The following KYNU variants were observed in gnomAD, a reference collection of about 807,000 sequenced individuals.
The protein encoded by KYNU is L-kynurenine hydrolase.
Under a neutral mutation model 59.2 loss-of-function variants are expected in KYNU, and 54 were observed. The observed-to-expected ratio is 0.91, with a 90% CI of 0.73 to 1.14. The LOEUF is 1.14. KYNU is among the 50% of genes most tolerant of loss of function. The probability of loss-of-function intolerance (pLI) is 0.00; values close to 1 mark genes in which losing one functional copy is unlikely to be tolerated. For synonymous variants in KYNU, 177 were observed against 192.0 expected (o/e 0.92, Z 0.65); for missense variants, 567 against 554.4 (o/e 1.02, Z -0.23).
Position 142,889,431 on chromosome 2 carries a change from G to C in KYNU, c.169+3895G>C, listed in dbSNP as rs1009080089. 1.1e-4 allele frequency among the ~76,000 whole-genome samples: 17 copies of C among 152,276 alleles called. 2 individuals are homozygous for C. Among genetic ancestry groups the C allele is most frequent in the Admixed American group, 7.2e-4 (11 of 15,302 alleles). On this transcript the variant is annotated intron_variant, in intron 2 of 13. Transcript: ENST00000264170. ...AAAGTCTATCCGGGAGAAGGGAAAA[G>C]GTCAGTGCGTGAGCTTTCTAGGTTT...
chr2:142,884,080 C>T (rs1040904089), intron 1 of KYNU, among the ~76,000 whole-genome samples: 12 of 152,126 alleles, frequency 7.9e-5, no homozygotes, highest in African/African-American at 2.4e-4. Context: ...AAGTTTAAAA[C>T]GTATGTGATT....
intron 8 of KYNU, among the ~76,000 whole-genome samples, chr2:142,979,035 T>A (rs941789894): frequency 6.6e-6 from 1 of 152,050 alleles, no homozygotes; most frequent in African/African-American, 2.4e-5. Context: ...TAGGAAAGAG[T>A]GAGCTAGCTT....
chr2:143,009,890 A>G, intron 10 of KYNU, among the ~76,000 whole-genome samples: 1 of 117,870 alleles, frequency 8.5e-6, no homozygotes, highest in Non-Finnish European at 1.7e-5. Flanking sequence ...TCAATAAATT[A>G]GGTATTGATG....
intron 10 of KYNU, among the ~76,000 whole-genome samples, chr2:143,019,966 A>G (rs775453719): frequency 6.6e-6 from 1 of 151,878 alleles, no homozygotes. Context: ...CTGTGGTATC[A>G]GTTGTAATAT....
chr2:142,936,203 C>CA (rs990288673), intron 4 of KYNU, among the ~76,000 whole-genome samples: 10 of 151,984 alleles, frequency 6.6e-5, no homozygotes, highest in African/African-American at 2.4e-4. Flanking sequence ...GATCTGAGTG[C>CA]AAAAAACGCC....
chr2:142,893,381 C>T (rs1681772265), intron 2 of KYNU, among the ~76,000 whole-genome samples: 1 of 152,168 alleles, frequency 6.6e-6, no homozygotes, highest in African/African-American at 2.4e-5. Context: ...TTGCCATCAT[C>T]AGCTATCACA....
chr2:143,027,655 G>A lies in KYNU; in HGVS notation c.903-1972G>A, dbSNP rs115328830. Among the ~76,000 whole-genome samples, 1,442 of 152,126 alleles carry A rather than the reference G, an allele frequency of 9.5e-3. 18 individuals carry two copies. Among genetic ancestry groups the A allele is most frequent in the South Asian group, 0.032 (153 of 4,824 alleles). ...TCTGGTTTGCCTTGCAATTTTGTCT[G>A]TCTTTTTAATACAGAATTTTAAATG... On this transcript the variant is annotated intron_variant, in intron 10 of 13. Coordinates refer to ENST00000264170, the MANE Select transcript of KYNU (RefSeq NM_003937.3).
At chr2:143,002,133 G>A (rs1408092786) in intron 10 of KYNU, among the ~76,000 whole-genome samples, 1 of 152,146 alleles carries the variant, frequency 6.6e-6, no homozygotes, top group Non-Finnish European at 1.5e-5. Flanking sequence ...TGCTCTCTTT[G>A]TGTCCTTTGT....
chr2:142,916,178 G>T (rs1457773144), intron 2 of KYNU, among the ~76,000 whole-genome samples: 3 of 152,060 alleles, frequency 2.0e-5, no homozygotes, highest in South Asian at 2.1e-4. Context: ...AGTAAACTAG[G>T]GGGGCTTGTT....
intron 7 of KYNU, among the ~76,000 whole-genome samples, chr2:142,958,493 T>C (rs1235084423): frequency 6.6e-6 from 1 of 152,218 alleles, no homozygotes; most frequent in Non-Finnish European, 1.5e-5. Context: ...CCGCTAGTCA[T>C]TGTTTGGACA....
rs566089757 is a variant in KYNU, at chr2:143,046,481, A to G, written c.*4309A>G. 351 of 151,796 alleles carry G rather than the reference A, an allele frequency of 2.3e-3. 1 individual carries two copies. The highest frequency in any genetic ancestry group is 8.1e-3 in the African/African-American group (337 of 41,486). The allele number at this position is 151,796 out of a possible 1,614,324, so 9.4% of individuals were successfully genotyped here. ...GTAAATGATGTGAGGTGGTGATTCTATTTCATTTTTTCCCATATAGATAAT... is the reference window on the plus strand; with the variant it reads ...GTAAATGATGTGAGGTGGTGATTCTGTTTCATTTTTTCCCATATAGATAAT... On this transcript the variant is annotated 3_prime_UTR_variant, in exon 14 of 14. Coordinates refer to ENST00000264170, the MANE Select transcript of KYNU (RefSeq NM_003937.3).
chr2:142,985,287 C>T (rs2105158919), intron 9 of KYNU, 105 bp downstream of exon 9: 2 of 745,456 alleles, frequency 2.7e-6, no homozygotes, highest in East Asian at 2.6e-5. Flanking sequence ...GTTACTTTCC[C>T]TATTTCTTTT....
chr2:142,931,477 C>T (rs1299442463), intron 4 of KYNU, among the ~76,000 whole-genome samples: 1 of 152,138 alleles, frequency 6.6e-6, no homozygotes, highest in African/African-American at 2.4e-5. Context: ...AAGGAGGTGT[C>T]AACAGGGAGA....
At chr2:142,939,103 G>T (rs920970667) in intron 4 of KYNU, among the ~76,000 whole-genome samples, 7 of 152,038 alleles carry the variant, frequency 4.6e-5, no homozygotes, top group African/African-American at 1.4e-4. Flanking sequence ...AGCCATGATT[G>T]CACCATTGTA....
At position 143,045,415 on chromosome 2, in the gene KYNU, C is replaced by T. The variant is rs1687150281; in HGVS notation, c.*3243C>T. The T allele has an allele frequency of 6.6e-6, 1 of 152,090 alleles. No homozygotes were observed. The highest frequency in any genetic ancestry group is 2.1e-4 in the South Asian group (1 of 4,818). 9.4% of individuals were successfully genotyped at this position (152,090 alleles called of 1,614,324 possible). ...GAAATAGCATTGAATCTATAAATTA[C>T]TCTCAGCAATATGGCCATTTTCAGG... On this transcript the variant is annotated 3_prime_UTR_variant, in exon 14 of 14. Transcript: ENST00000264170.
chr2:142,921,045 A>G (rs923743743), intron 3 of KYNU, among the ~76,000 whole-genome samples: 11 of 152,210 alleles, frequency 7.2e-5, no homozygotes, highest in Admixed American at 3.9e-4. Context: ...GGGCCTGCCA[A>G]TTAATTGACA....
chr2:142,941,783 C>T (rs1683609102), intron 4 of KYNU, among the ~76,000 whole-genome samples: 1 of 152,158 alleles, frequency 6.6e-6, no homozygotes, highest in Non-Finnish European at 1.5e-5. Context: ...CTGTTTCGGT[C>T]TTTCAGATCA....
chr2:142,982,609 G>C (rs1166972139), intron 8 of KYNU, among the ~76,000 whole-genome samples: 1 of 152,048 alleles, frequency 6.6e-6, no homozygotes, highest in Admixed American at 6.6e-5. Context: ...GATCAGAAGA[G>C]ACTCTTAGGG....
At position 143,042,265 on chromosome 2, in the gene KYNU, C is replaced by A; in HGVS notation, c.*93C>A. The A allele has an allele frequency of 8.3e-7, 1 of 1,199,140 alleles. No homozygotes were observed. Among genetic ancestry groups the A allele is most frequent in the Non-Finnish European group, 1.2e-6 (1 of 823,796 alleles). 74.3% of individuals were successfully genotyped at this position (1,199,140 alleles called of 1,614,324 possible). A position where few individuals can be genotyped will look rare whatever the true frequency, so the allele number is the denominator to read the frequency against. On this transcript the variant is annotated 3_prime_UTR_variant, in exon 14 of 14. Coordinates refer to ENST00000264170, the MANE Select transcript of KYNU (RefSeq NM_003937.3). ...ATTTTTAATTATTGAAAGTATGTCA[C>A]CATTGACCACATGTAACTAACAATA...
Sources: gnomAD v4.1 joint callset for allele counts (sites outside exome capture counted in the v4.1 genomes callset) on GRCh38, gnomAD v4.1.1 for gene constraint, MANE v1.5 for transcripts, NCBI Gene and HGNC (gene_info 2026-07-23, HGNC 2026-07-21) for gene names.